Variants in RYR3 observed in about 807,000 individuals in gnomAD.
The protein encoded by RYR3 is brain ryanodine receptor-calcium release channel.
A neutral mutation model predicts 584.3 loss-of-function variants in RYR3; 207 were observed. That is an observed-to-expected ratio of 0.35 (90% CI 0.32 to 0.40). The LOEUF (loss-of-function observed/expected upper bound fraction) is 0.40, where lower values mean the gene tolerates loss of function less well. Among genes scored for constraint, RYR3 ranks in the 10% least tolerant of loss-of-function variants. The pLI, the probability that RYR3 is intolerant of heterozygous loss-of-function variation, is 1.00. For missense variants in RYR3, 5,616 were observed against 6,089.2 expected (o/e 0.92, Z 2.59); for synonymous variants, 2,416 against 2,248.5 (o/e 1.07, Z -2.11).
In RYR3 at chr15:33,665,198, G is replaced by GGT. The variant is rs544843301; in HGVS notation, c.5619+1462_5619+1463dup. 3.3e-5 allele frequency among the ~76,000 whole-genome samples: 5 copies of GGT among 152,322 alleles called. No homozygotes were observed. In the East Asian group the frequency reaches 9.6e-4, roughly 29 times the overall value. On this transcript the variant is annotated intron_variant, in intron 36 of 103. Transcript: ENST00000634891. ...ACAGAAGATACAATGACATGGTGAT[G>GGT]GTAACACATGTTGGCCTTGGGCTGT...
intron 38 of RYR3, among the ~76,000 whole-genome samples, chr15:33,685,594 A>G (rs187174154): frequency 2.6e-5 from 4 of 152,372 alleles, no homozygotes; most frequent in Non-Finnish European, 5.9e-5. Context: ...AAGCGTACAT[A>G]ATAGACATCT....
chr15:33,614,718 T>C (rs1223409424), intron 19 of RYR3, among the ~76,000 whole-genome samples: 1 of 152,088 alleles, frequency 6.6e-6, no homozygotes, highest in East Asian at 1.9e-4. Flanking sequence ...AATTTTATAT[T>C]AAGGATGTTA....
chr15:33,862,801 G>C (rs1218517131), intron 102 of RYR3, among the ~76,000 whole-genome samples: 1 of 152,124 alleles, frequency 6.6e-6, no homozygotes, highest in Non-Finnish European at 1.5e-5. Flanking sequence ...AGTAGAGACA[G>C]GGTTTCACCG....
intron 1 of RYR3, among the ~76,000 whole-genome samples, chr15:33,451,428 A>G (rs888360002): frequency 6.6e-6 from 1 of 152,068 alleles, no homozygotes; most frequent in African/African-American, 2.4e-5. Flanking sequence ...TCTGTTATAA[A>G]TTGTCAAGAT....
intron 1 of RYR3, among the ~76,000 whole-genome samples, chr15:33,414,766 G>A (rs1438071696): frequency 6.6e-6 from 1 of 152,012 alleles, no homozygotes; most frequent in Non-Finnish European, 1.5e-5. Flanking sequence ...TAATTTTTTT[G>A]TATTTTTAGT....
intron 1 of RYR3, among the ~76,000 whole-genome samples, chr15:33,384,500 C>G (rs1045948049): frequency 6.9e-6 from 1 of 143,988 alleles, no homozygotes; most frequent in African/African-American, 2.5e-5. Flanking sequence ...AATAATTATA[C>G]TATTATTTTA....
At chr15:33,706,104 T>C (rs905544586) in intron 42 of RYR3, among the ~76,000 whole-genome samples, 1 of 152,178 alleles carries the variant, frequency 6.6e-6, no homozygotes, top group Non-Finnish European at 1.5e-5. Flanking sequence ...AGCCTTTCAG[T>C]TCTTAGAATT....
At position 33,346,279 on chromosome 15, in the gene RYR3, C is replaced by T. The variant is rs923372210; in HGVS notation, c.51+35183C>T. On this transcript the variant is annotated intron_variant, in intron 1 of 103. Coordinates refer to ENST00000634891, the MANE Select transcript of RYR3 (RefSeq NM_001036.6). ...GAGTTGGTCACAAAAATGTATTGAA[C>T]GAAAATAGATTGTAATTTCTCTAAA... 5.3e-5 allele frequency among the ~76,000 whole-genome samples: 8 copies of T among 152,068 alleles called. No homozygotes were observed. The South Asian group carries it at 8.3e-4, about 16-fold the overall frequency.
chr15:33,566,736 G>C lies in RYR3; in HGVS notation c.1205G>C (p.Arg402Pro), dbSNP rs757634718. The change falls in exon 12 of 104, where the codon CGT (arginine) becomes CCT (proline). Residue 402 changes from arginine (R) to proline (P), a missense_variant. Transcript: ENST00000634891. ...GGATTAACACTGCAGAGATGCCAGCGTGAGGAGTCCCAGGCTGCTCGGATC... is the reference window on the plus strand; with the variant it reads ...GGATTAACACTGCAGAGATGCCAGCCTGAGGAGTCCCAGGCTGCTCGGATC... ...DDGLTLQRCQ[R>P]EESQAARIIR... The C allele has an allele frequency of 5.0e-6, 8 of 1,613,532 alleles. No individual in the cohort carries two copies. The Admixed American group carries it at 8.3e-5, about 17-fold the overall frequency.
At chr15:33,444,937 G>C (rs145450432) in intron 1 of RYR3, among the ~76,000 whole-genome samples, 4 of 151,968 alleles carry the variant, frequency 2.6e-5, no homozygotes, top group African/African-American at 7.2e-5. Context: ...CGGCCCCTGT[G>C]CCCTGAAGGG....
intron 1 of RYR3, among the ~76,000 whole-genome samples, chr15:33,422,895 C>T (rs2044339651): frequency 6.6e-6 from 1 of 152,120 alleles, no homozygotes; most frequent in Non-Finnish European, 1.5e-5. Context: ...TGACATAGAC[C>T]TAAAGACAAG....
intron 27 of RYR3, among the ~76,000 whole-genome samples, chr15:33,637,393 T>C (rs954151957): frequency 2.6e-5 from 4 of 152,248 alleles, no homozygotes; most frequent in Non-Finnish European, 4.4e-5. Flanking sequence ...ACCTGCTGTG[T>C]GAATGCCCTT....
intron 16 of RYR3, among the ~76,000 whole-genome samples, chr15:33,593,920 A>G (rs1009194176): frequency 1.3e-5 from 2 of 152,150 alleles, no homozygotes; most frequent in Admixed American, 6.5e-5. Flanking sequence ...AAGGGTAATT[A>G]GTTTTTACAT....
chr15:33,802,611 T>C (rs1222534994), intron 69 of RYR3, among the ~76,000 whole-genome samples: 3 of 152,220 alleles, frequency 2.0e-5, no homozygotes, highest in African/African-American at 7.2e-5. Context: ...CCACCTCCTC[T>C]TGCGTCGGCT....
rs1249379173 is a variant in RYR3 at position 33,540,687 on chromosome 15, G to A, written c.547-104G>A. The A allele has an allele frequency of 8.9e-5, 63 of 703,976 alleles. 1 individual carries two copies. In the South Asian group the frequency reaches 9.5e-4, roughly 11 times the overall value. The allele number at this position is 703,976 out of a possible 1,614,324, so 43.6% of individuals were successfully genotyped here. A position where few individuals can be genotyped will look rare whatever the true frequency, so the allele number is the denominator to read the frequency against. On this transcript the variant is annotated intron_variant, in intron 6 of 103. Coordinates refer to ENST00000634891, the MANE Select transcript of RYR3 (RefSeq NM_001036.6). The stretch of plus-strand genomic sequence containing the variant: ...ACAGGCTGTATAGAAAGAACCAGAT[G>A]ACAGTAAGGCTGTTTAATTTAATCC...
chr15:33,853,638 C>T lies in RYR3; in HGVS notation c.13755C>T (p.Ser4585=), dbSNP rs1477314157. The change falls in exon 96 of 104, where the codon AGC becomes AGT. Residue 4585 remains serine (S), a synonymous_variant. Coordinates refer to ENST00000634891, the MANE Select transcript of RYR3 (RefSeq NM_001036.6). ...LGLDKNALDF[S]PVEETKAEAA... is the part of the protein sequence containing the mutation. ...TGGACAAAAATGCTCTTGACTTTAG[C>T]CCAGTAGAAGAGACCAAAGCAGAAG... 2 of 1,613,844 alleles carry T rather than the reference C, an allele frequency of 1.2e-6. No homozygotes were observed. The highest frequency in any genetic ancestry group is 1.7e-6 in the Non-Finnish European group (2 of 1,179,894).
chr15:33,746,484 G>A (rs889834317), intron 53 of RYR3, among the ~76,000 whole-genome samples: 3 of 152,164 alleles, frequency 2.0e-5, no homozygotes, highest in Admixed American at 6.5e-5. Flanking sequence ...CAGGGAGAAG[G>A]CACGGTGAAA....
intron 10 of RYR3, among the ~76,000 whole-genome samples, chr15:33,559,067 C>G (rs1189812325): frequency 6.6e-6 from 1 of 152,058 alleles, no homozygotes. Context: ...GGAGATTAGT[C>G]TAGGGGAATG....
intron 16 of RYR3, among the ~76,000 whole-genome samples, chr15:33,593,771 A>T (rs2059246483): frequency 6.6e-6 from 1 of 152,232 alleles, no homozygotes; most frequent in South Asian, 2.1e-4. Flanking sequence ...AAAAGATACT[A>T]GGCAGACCAG....
Sources: gnomAD v4.1 joint callset for allele counts (sites outside exome capture counted in the v4.1 genomes callset) on GRCh38, gnomAD v4.1.1 for gene constraint, MANE v1.5 for transcripts, NCBI Gene and HGNC (gene_info 2026-07-23, HGNC 2026-07-21) for gene names.